Variants in ARHGEF4 observed in about 807,000 individuals in gnomAD.
ARHGEF4 encodes APC-stimulated guanine nucleotide exchange factor 1.
In ARHGEF4, 119 loss-of-function variants were observed where a neutral mutation model predicts 162.0. That is an observed-to-expected ratio of 0.73 (90% CI 0.63 to 0.86). The LOEUF (loss-of-function observed/expected upper bound fraction) is 0.86, where lower values mean the gene tolerates loss of function less well. ARHGEF4 is among the 40% of genes least tolerant of loss of function. ARHGEF4 has a pLI of 0.00. For missense variants in ARHGEF4, 2,488 were observed against 2,456.0 expected (o/e 1.01, Z -0.28); for synonymous variants, 1,014 against 979.9 (o/e 1.03, Z -0.65).
At chr2:130,881,086 ACAGTGGC>A (rs1679158921) in intron 1 of ARHGEF4, among the ~76,000 whole-genome samples, 1 of 152,096 alleles carries the variant, frequency 6.6e-6, no homozygotes, top group African/African-American at 2.4e-5. Flanking sequence ...AGGCTGGGGT[ACAGTGGC>A]ACCATCTCGG....
intron 5 of ARHGEF4, among the ~76,000 whole-genome samples, chr2:131,028,656 A>G (rs1689636160): frequency 6.6e-6 from 1 of 152,192 alleles, no homozygotes; most frequent in African/African-American, 2.4e-5. Context: ...TGCATTCCCA[A>G]TAAGAGAGGA....
intron 1 of ARHGEF4, among the ~76,000 whole-genome samples, chr2:130,884,474 A>G (rs930512266): frequency 1.9e-4 from 29 of 152,238 alleles, no homozygotes; most frequent in Middle Eastern, 3.4e-3. Flanking sequence ...GAAGATGATT[A>G]TAATGCCTAT....
intron 1 of ARHGEF4, among the ~76,000 whole-genome samples, chr2:130,866,900 C>A (rs1182827127): frequency 1.3e-5 from 2 of 152,192 alleles, no homozygotes; most frequent in South Asian, 4.2e-4. Flanking sequence ...AGGAAGTGTT[C>A]TCTCTACTTC....
At chr2:131,023,071 T>G (rs1303374973) in intron 4 of ARHGEF4, among the ~76,000 whole-genome samples, 1 of 5,744 alleles carries the variant, frequency 1.7e-4, no homozygotes, top group African/African-American at 2.9e-4. Context: ...TGAAACCCTG[T>G]CTCAAAAAAA....
At chr2:130,979,309 C>G (rs925898067) in intron 4 of ARHGEF4, among the ~76,000 whole-genome samples, 2 of 152,194 alleles carry the variant, frequency 1.3e-5, no homozygotes, top group Non-Finnish European at 2.9e-5. Context: ...AAGCTAAACA[C>G]CACCTCAGAT....
intron 1 of ARHGEF4, among the ~76,000 whole-genome samples, chr2:130,839,789 T>C (rs941267070): frequency 1.3e-5 from 2 of 152,202 alleles, no homozygotes; most frequent in Admixed American, 6.5e-5. Flanking sequence ...TCCAGACAGC[T>C]GGACCCCCTG....
At chr2:130,841,639 C>T (rs1680619865) in intron 1 of ARHGEF4, among the ~76,000 whole-genome samples, 3 of 152,148 alleles carry the variant, frequency 2.0e-5, no homozygotes, top group South Asian at 2.1e-4. Flanking sequence ...TGATAGAGAA[C>T]GATGTCTGTG....
At chr2:131,001,076 G>A (rs1441400918) in intron 4 of ARHGEF4, among the ~76,000 whole-genome samples, 1 of 151,880 alleles carries the variant, frequency 6.6e-6, no homozygotes, top group Non-Finnish European at 1.5e-5. Context: ...AGGCTGAGGC[G>A]GTGGCTCACT....
At chr2:130,923,456 G>A (rs1469229862) in intron 2 of ARHGEF4, among the ~76,000 whole-genome samples, 3 of 152,136 alleles carry the variant, frequency 2.0e-5, no homozygotes, top group Admixed American at 6.5e-5. Flanking sequence ...CACTGTAGCT[G>A]TACAGTAAGC....
chr2:130,837,548 T>G lies in ARHGEF4; in HGVS notation c.39+556T>G, dbSNP rs1422103359. On this transcript the variant is annotated intron_variant, in intron 1 of 13. Transcript: ENST00000409359. ...GGGCTCCTGCTCGGGGTGCCCCCTC[T>G]CTGGCCCGATTTCCGGGCCCGCTCA... 5 of 438,320 alleles carry G rather than the reference T, an allele frequency of 1.1e-5. No individual in the cohort carries two copies. The Admixed American group carries it at 1.2e-4, about 11-fold the overall frequency. The allele number at this position is 438,320 out of a possible 1,614,324, so 27.2% of individuals were successfully genotyped here. A position where few individuals can be genotyped will look rare whatever the true frequency, so the allele number is the denominator to read the frequency against.
chr2:131,035,464 T>G, intron 5 of ARHGEF4: 1 of 322,370 alleles, frequency 3.1e-6, no homozygotes, highest in Non-Finnish European at 4.7e-6. Context: ...CCTTCTGTCC[T>G]CTGTGCCCTG....
chr2:130,888,277 G>A (rs1679641354), intron 1 of ARHGEF4, among the ~76,000 whole-genome samples: 1 of 151,964 alleles, frequency 6.6e-6, no homozygotes, highest in Admixed American at 6.6e-5. Context: ...TTCAAGACCA[G>A]CCTGGCCAAT....
chr2:130,874,967 G>A (rs1245197262), intron 1 of ARHGEF4, among the ~76,000 whole-genome samples: 7 of 152,148 alleles, frequency 4.6e-5, no homozygotes, highest in African/African-American at 1.7e-4. Flanking sequence ...ATAAGCTTTG[G>A]TTGTTTTCCA....
intron 1 of ARHGEF4, among the ~76,000 whole-genome samples, chr2:130,884,037 C>T (rs1019648331): frequency 3.3e-5 from 5 of 152,030 alleles, no homozygotes; most frequent in African/African-American, 1.2e-4. Context: ...CATTATATAT[C>T]CTCCTACTGA....
intron 1 of ARHGEF4, among the ~76,000 whole-genome samples, chr2:130,844,119 A>G (rs1680784000): frequency 6.6e-6 from 1 of 152,186 alleles, no homozygotes; most frequent in Non-Finnish European, 1.5e-5. Flanking sequence ...CGCTGACCCC[A>G]TACGTTTTGT....
chr2:130,903,570 A>C (rs1440879137), intron 1 of ARHGEF4, among the ~76,000 whole-genome samples: 12 of 152,096 alleles, frequency 7.9e-5, no homozygotes, highest in Non-Finnish European at 1.5e-5. Context: ...CATTTTTTTA[A>C]GATCCAAGCT....
chr2:130,905,251 T>G (rs1680751021), intron 1 of ARHGEF4, among the ~76,000 whole-genome samples: 1 of 152,238 alleles, frequency 6.6e-6, no homozygotes, highest in South Asian at 2.1e-4. Flanking sequence ...ATTTTCCATT[T>G]TGTGTATATA....
chr2:131,039,302 C>A, intron 6 of ARHGEF4: 3 of 1,256,758 alleles, frequency 2.4e-6, no homozygotes, highest in Non-Finnish European at 3.0e-6. Context: ...GATACCCCCG[C>A]AACTCCAGGC....
rs562909051 is a variant in ARHGEF4, at chr2:131,011,717, C to T, written c.3986-16228C>T. ...GAAATGAGGCCAGATGGGCAGCAAG[C>T]TTTGGATGCTGTGGTAAGGAGTTTT... On this transcript the variant is annotated intron_variant, in intron 4 of 13. Coordinates refer to ENST00000409359, the MANE Select transcript of ARHGEF4 (RefSeq NM_001367493.1). 6.5e-6 allele frequency: 9 copies of T among 1,392,294 alleles called. No homozygotes were observed. In the East Asian group the frequency reaches 2.0e-4, roughly 31 times the overall value. The allele number at this position is 1,392,294 out of a possible 1,614,324, so 86.2% of individuals were successfully genotyped here.
Sources: allele counts gnomAD v4.1 joint callset (sites outside exome capture counted in the v4.1 genomes callset), GRCh38; gene constraint gnomAD v4.1.1; transcripts MANE v1.5; gene names NCBI Gene and HGNC (gene_info 2026-07-23, HGNC 2026-07-21).